EFTUD2: variants seen among roughly 807,000 people sequenced by gnomAD.
EFTUD2 encodes 116 kDa U5 small nuclear ribonucleoprotein component.
A neutral mutation model predicts 114.3 loss-of-function variants in EFTUD2; 9 were observed. That is an observed-to-expected ratio of 0.08 (90% CI 0.05 to 0.14). The LOEUF (loss-of-function observed/expected upper bound fraction) is 0.14. Among genes scored for constraint, EFTUD2 ranks in the 10% least tolerant of loss-of-function variants. The pLI is 1.00. For synonymous variants in EFTUD2, 449 were observed against 462.3 expected (o/e 0.97, Z 0.37); for missense variants, 765 against 1,241.2 (o/e 0.62, Z 5.76).
chr17:44,862,566 C>T, intron 16 of EFTUD2, 147 bp downstream of exon 16: 1 of 686,880 alleles, frequency 1.5e-6, no homozygotes, highest in Non-Finnish European at 2.3e-6. Flanking sequence ...AACTTGAAGT[C>T]AATAGCCCTG....
At chr17:44,855,630 C>A (rs1259958047) in intron 20 of EFTUD2, among the ~76,000 whole-genome samples, 4 of 151,858 alleles carry the variant, frequency 2.6e-5, no homozygotes, top group Non-Finnish European at 5.9e-5. Context: ...AGAACCTGGG[C>A]AACAAAGCAA....
At chr17:44,865,644 G>T (rs1299740906) in intron 13 of EFTUD2, among the ~76,000 whole-genome samples, 1 of 151,832 alleles carries the variant, frequency 6.6e-6, no homozygotes, top group Non-Finnish European at 1.5e-5. Context: ...TTGCTGTTTT[G>T]TCCACCGGAA....
chr17:44,859,212 TTC>T, intron 18 of EFTUD2, 31 bp from the exon 19 acceptor site: 1 of 1,507,924 alleles, frequency 6.6e-7, no homozygotes, highest in Non-Finnish European at 9.2e-7. Context: ...ACAGCCTGGA[TTC>T]TCTTATGCCA....
chr17:44,868,545 A>G (rs2050791736), intron 11 of EFTUD2, 195 bp from the exon 12 acceptor site: 1 of 556,102 alleles, frequency 1.8e-6, no homozygotes. Flanking sequence ...AAAGTTGACA[A>G]GGCTGTGCTG....
intron 15 of EFTUD2, 197 bp from the exon 16 acceptor site, chr17:44,863,103 CTCCTCT>C (rs1019403955): frequency 1.1e-4 from 27 of 241,788 alleles, no homozygotes; most frequent in African/African-American, 8.7e-4. Flanking sequence ...CAAAAATATT[CTCCTCT>C]TTTTTTTTTT....
At chr17:44,875,421 T>C (rs1484310529) in intron 10 of EFTUD2, among the ~76,000 whole-genome samples, 1 of 151,864 alleles carries the variant, frequency 6.6e-6, no homozygotes, top group African/African-American at 2.4e-5. Flanking sequence ...TCCCGGCTAC[T>C]TGAGAGGCTG....
chr17:44,863,641 C>T lies in EFTUD2; in HGVS notation c.1413+14G>A. 6.2e-7 allele frequency: 1 copy of T among 1,609,406 alleles called. No individual in the cohort carries two copies. Among genetic ancestry groups the T allele is most frequent in the Non-Finnish European group, 8.5e-7 (1 of 1,177,256 alleles). On this transcript the variant is annotated intron_variant, in intron 15 of 27. Transcript: ENST00000426333. Reference sequence around the variant, plus strand: ...AAAAAAAGACCAGAGAACCGGGGAGCCACATGCCCTTACATCAGGGTCACA... The same window carrying T: ...AAAAAAAGACCAGAGAACCGGGGAGTCACATGCCCTTACATCAGGGTCACA...
intron 14 of EFTUD2, 50 bp from the exon 15 acceptor site, chr17:44,863,832 C>T (rs772678766): frequency 9.4e-6 from 15 of 1,602,340 alleles, no homozygotes; most frequent in South Asian, 2.2e-5. Context: ...CCAGGGAGCA[C>T]GAGCAGGAGT....
intron 20 of EFTUD2, 96 bp from the exon 21 acceptor site, chr17:44,855,100 G>A (rs2050524647): frequency 1.2e-5 from 14 of 1,159,648 alleles, no homozygotes; most frequent in Non-Finnish European, 1.8e-5. Context: ...CTGAGGAAGT[G>A]ACATCAGTGA....
At chr17:44,875,784 C>T in intron 10 of EFTUD2, 150 bp downstream of exon 10, 1 of 831,358 alleles carries the variant, frequency 1.2e-6, no homozygotes, top group Non-Finnish European at 1.9e-6. Context: ...ATGAAGTCAA[C>T]CCCTGCAGAG....
At chr17:44,851,543 C>G (rs1168977039) in intron 27 of EFTUD2, among the ~76,000 whole-genome samples, 167 bp downstream of exon 27, 1 of 152,160 alleles carries the variant, frequency 6.6e-6, no homozygotes, top group Non-Finnish European at 1.5e-5. Context: ...GCTCTCCTTT[C>G]CCAACGAGAC....
intron 14 of EFTUD2, 113 bp from the exon 15 acceptor site, chr17:44,863,895 A>G: frequency 1.5e-6 from 2 of 1,372,242 alleles, no homozygotes; most frequent in Non-Finnish European, 2.0e-6. Flanking sequence ...ACTGATTGTT[A>G]GCTCTAAAAG....
intron 25 of EFTUD2, 127 bp from the exon 26 acceptor site, chr17:44,852,689 G>C: frequency 8.3e-7 from 1 of 1,208,356 alleles, no homozygotes; most frequent in Non-Finnish European, 1.1e-6. Flanking sequence ...GAGTAACCAA[G>C]AATGTTCTAC....
intron 2 of EFTUD2, among the ~76,000 whole-genome samples, chr17:44,889,051 A>G (rs945893487): frequency 6.6e-6 from 1 of 152,184 alleles, no homozygotes; most frequent in Non-Finnish European, 1.5e-5. Context: ...ATAATGAGGA[A>G]GCAGCAGCAA....
intron 18 of EFTUD2, chr17:44,859,694 C>A (rs1449302058): frequency 1.1e-5 from 8 of 713,288 alleles, no homozygotes; most frequent in Non-Finnish European, 1.6e-5. Flanking sequence ...ACTGCCCCCT[C>A]CTACACAGGT....
chr17:44,891,650 C>A (rs2051282017), intron 2 of EFTUD2, among the ~76,000 whole-genome samples: 1 of 151,902 alleles, frequency 6.6e-6, no homozygotes, highest in Non-Finnish European at 1.5e-5. Context: ...AAGTGTTTAG[C>A]CCATTATTCT....
rs937358912 is a variant in EFTUD2, at chr17:44,860,081, G to A, written c.1720-36C>T. 5 of 1,613,998 alleles carry A rather than the reference G, an allele frequency of 3.1e-6. No homozygotes were observed. In the African/African-American group the frequency reaches 6.7e-5, roughly 22 times the overall value. On this transcript the variant is annotated intron_variant, in intron 17 of 27. Coordinates refer to ENST00000426333, the MANE Select transcript of EFTUD2 (RefSeq NM_004247.4). ...AAGCACAAAGGACTGAGGGCAACTG[G>A]CATGAGCAGGCACAGAAAGTGCAGA... is the stretch of plus-strand genomic sequence containing the variant.
chr17:44,872,529 A>G lies in EFTUD2; in HGVS notation c.911T>C (p.Leu304Pro). 5 of 1,613,080 alleles carry G rather than the reference A, an allele frequency of 3.1e-6. No individual in the cohort carries two copies. Among genetic ancestry groups the G allele is most frequent in the Non-Finnish European group, 4.2e-6 (5 of 1,179,326 alleles). The change falls in exon 11 of 28, where the codon CTG (leucine) becomes CCG (proline). Residue 304 changes from leucine (L) to proline (P), a missense_variant. Coordinates refer to ENST00000426333, the MANE Select transcript of EFTUD2 (RefSeq NM_004247.4). ...GGAGCTGGAGAAGCAGACGTTACCCAGGAGTGGGGAAAGGATCAGGTTCTC... is the reference window on the plus strand; with the variant it reads ...GGAGCTGGAGAAGCAGACGTTACCCGGGAGTGGGGAAAGGATCAGGTTCTC... ...TDENLILSPLLGNVCFSSSQY... is the reference protein window; with the variant it reads ...TDENLILSPLPGNVCFSSSQY...
Position 44,880,284 on chromosome 17 carries a change from C to T in EFTUD2, c.619+270G>A, listed in dbSNP as rs535951322. 1.5e-4 allele frequency among the ~76,000 whole-genome samples: 23 copies of T among 152,212 alleles called. 1 individual carries two copies. The South Asian group carries it at 4.8e-3, about 32-fold the overall frequency. ...TAGCTCCCCAGCAGATAGCATGGGG[C>T]CTGACAGGCTGAAATGAATAAATGA... On this transcript the variant is annotated intron_variant, in intron 8 of 27. Coordinates refer to ENST00000426333, the MANE Select transcript of EFTUD2 (RefSeq NM_004247.4).
Sources: allele counts gnomAD v4.1 joint callset (sites outside exome capture counted in the v4.1 genomes callset), GRCh38; gene constraint gnomAD v4.1.1; transcripts MANE v1.5; gene names NCBI Gene and HGNC (gene_info 2026-07-23, HGNC 2026-07-21).